Variants in SPAG16 observed in about 807,000 individuals in gnomAD.
SPAG16 encodes sperm-associated antigen 16 protein.
SPAG16 carries 86 observed loss-of-function variants against 80.4 expected under a neutral mutation model. The observed-to-expected ratio is 1.07, with a 90% confidence interval of 0.90 to 1.28. The LOEUF (loss-of-function observed/expected upper bound fraction) is 1.28, where lower values mean the gene tolerates loss of function less well. Among genes scored for constraint, SPAG16 ranks in the 50% most tolerant of loss-of-function variants. The pLI is 0.00. For missense variants in SPAG16, 870 were observed against 765.3 expected, an observed-to-expected ratio of 1.14 and a Z score of -1.61; for synonymous variants, 294 against 265.9, an observed-to-expected ratio of 1.11 and a Z score of -1.03.
At chr2:214,117,557 C>T (rs928106978) in intron 14 of SPAG16, among the ~76,000 whole-genome samples, 1 of 152,040 alleles carries the variant, frequency 6.6e-6, no homozygotes, top group Non-Finnish European at 1.5e-5. Context: ...CAACAACAAC[C>T]AACACTATTG....
chr2:214,296,432 T>C (rs1180398659), intron 15 of SPAG16, among the ~76,000 whole-genome samples: 1 of 152,202 alleles, frequency 6.6e-6, no homozygotes, highest in East Asian at 1.9e-4. Context: ...CTGGGTCAAA[T>C]AGTAGTTCTA....
chr2:213,710,435 A>G (rs1388126038), intron 10 of SPAG16, among the ~76,000 whole-genome samples: 1 of 152,204 alleles, frequency 6.6e-6, no homozygotes, highest in Non-Finnish European at 1.5e-5. Flanking sequence ...GAACAAGGGT[A>G]TAAGCATGTA....
chr2:214,397,780 T>C (rs1021505466), intron 15 of SPAG16, among the ~76,000 whole-genome samples: 4 of 152,212 alleles, frequency 2.6e-5, no homozygotes, highest in Non-Finnish European at 5.9e-5. Flanking sequence ...ATGTGGCTTA[T>C]TATTTCTTTG....
chr2:213,462,546 C>T (rs1188357705), intron 9 of SPAG16, among the ~76,000 whole-genome samples: 1 of 152,136 alleles, frequency 6.6e-6, no homozygotes, highest in African/African-American at 2.4e-5. Flanking sequence ...GAGGGTGGAT[C>T]AGGTGGAGAT....
At chr2:214,122,350 A>G (rs1181894087) in intron 14 of SPAG16, among the ~76,000 whole-genome samples, 1 of 151,860 alleles carries the variant, frequency 6.6e-6, no homozygotes, top group Non-Finnish European at 1.5e-5. Context: ...AATTTGATCT[A>G]AGATAGGTTA....
chr2:214,069,601 A>G (rs1055639790), intron 13 of SPAG16, among the ~76,000 whole-genome samples: 1 of 152,108 alleles, frequency 6.6e-6, no homozygotes, highest in Non-Finnish European at 1.5e-5. Context: ...TCCAGTGCCA[A>G]CCTAAAATCA....
At chr2:213,715,101 G>A (rs2066170886) in intron 10 of SPAG16, among the ~76,000 whole-genome samples, 1 of 152,150 alleles carries the variant, frequency 6.6e-6, no homozygotes, top group Non-Finnish European at 1.5e-5. Context: ...GACTGGTTTG[G>A]AGGAGTATAA....
chr2:214,093,394 T>C (rs542016784), intron 13 of SPAG16, among the ~76,000 whole-genome samples: 2 of 152,120 alleles, frequency 1.3e-5, no homozygotes, highest in South Asian at 4.1e-4. Context: ...ATTCCTTCTA[T>C]ACATTTTATT....
chr2:213,852,380 C>T (rs1216283374), intron 10 of SPAG16, among the ~76,000 whole-genome samples: 1 of 152,138 alleles, frequency 6.6e-6, no homozygotes, highest in Non-Finnish European at 1.5e-5. Flanking sequence ...CTACTTAAAA[C>T]CGTGAAATGA....
chr2:213,428,399 T>C (rs1363169521), intron 9 of SPAG16, among the ~76,000 whole-genome samples: 1 of 152,188 alleles, frequency 6.6e-6, no homozygotes, highest in Non-Finnish European at 1.5e-5. Context: ...CCAAGCATTT[T>C]CCAGTACTTG....
At chr2:213,717,895 C>G (rs562751672) in intron 10 of SPAG16, among the ~76,000 whole-genome samples, 1 of 152,108 alleles carries the variant, frequency 6.6e-6, no homozygotes, top group South Asian at 2.1e-4. Flanking sequence ...CATAAAAACC[C>G]TAGAAGAAAA....
Position 214,054,682 on chromosome 2 carries a change from A to G in SPAG16, c.1527+40605A>G, listed in dbSNP as rs183196846. ...ACCTTTGACTTCTTACAGAGAATCC[A>G]TATCTCTAAATCAAAATGTATTTGT... is the stretch of plus-strand genomic sequence containing the variant. On this transcript the variant is annotated intron_variant, in intron 13 of 15. Transcript: ENST00000331683. Among the ~76,000 whole-genome samples the G allele has an allele frequency of 4.2e-3, 644 of 152,296 alleles. 5 individuals are homozygous for G. The highest frequency in any genetic ancestry group is 0.024 in the Middle Eastern group (7 of 294).
intron 14 of SPAG16, among the ~76,000 whole-genome samples, chr2:214,116,434 C>T (rs1030533405): frequency 1.3e-5 from 2 of 152,296 alleles, no homozygotes; most frequent in Non-Finnish European, 2.9e-5. Flanking sequence ...TTCCAGCTCC[C>T]CTTACTACTT....
chr2:213,618,961 T>C (rs1445881693), intron 10 of SPAG16, among the ~76,000 whole-genome samples: 1 of 152,192 alleles, frequency 6.6e-6, no homozygotes, highest in Non-Finnish European at 1.5e-5. Context: ...AGTTGGCTCA[T>C]TCATTAACAA....
intron 10 of SPAG16, among the ~76,000 whole-genome samples, chr2:213,750,500 T>C (rs2068030457): frequency 6.6e-6 from 1 of 152,254 alleles, no homozygotes; most frequent in Admixed American, 6.5e-5. Context: ...ATATAGTTTT[T>C]ACTGATGTTT....
Position 213,317,241 on chromosome 2 carries a change from G to C in SPAG16, c.421G>C (p.Val141Leu), listed in dbSNP as rs2063435420. ...TAGGTATGAGTTAATACAGAAAGGAGTGACTGAACTTAGAACTGTTGGGAA... is the reference window on the plus strand; with the variant it reads ...TAGGTATGAGTTAATACAGAAAGGACTGACTGAACTTAGAACTGTTGGGAA... ...SEWYELIQKG[V>L]TELRTVGNVP... is the part of the protein sequence containing the mutation. Residue 141 changes from valine (V) to leucine (L), a missense_variant, in exon 5 of 16, where the codon GTG becomes CTG. By Grantham distance (32) the Val-to-Leu change is conservative. Coordinates refer to ENST00000331683, the MANE Select transcript of SPAG16 (RefSeq NM_024532.5). 2 of 1,601,846 alleles carry C rather than the reference G, an allele frequency of 1.2e-6. No individual in the cohort carries two copies. The highest frequency in any genetic ancestry group is 1.7e-6 in the Non-Finnish European group (2 of 1,173,668).
At chr2:213,982,152 A>C (rs528267384) in intron 12 of SPAG16, among the ~76,000 whole-genome samples, 1 of 152,004 alleles carries the variant, frequency 6.6e-6, no homozygotes, top group East Asian at 1.9e-4. Context: ...ATTTGTATTC[A>C]ATTTGCGACA....
At chr2:214,082,625 A>C (rs1353950195) in intron 13 of SPAG16, among the ~76,000 whole-genome samples, 4 of 152,078 alleles carry the variant, frequency 2.6e-5, no homozygotes, top group Admixed American at 2.6e-4. Flanking sequence ...GTGGTTCTCA[A>C]CTCTGGCTGC....
At chr2:213,413,145 T>C (rs2069074609) in intron 9 of SPAG16, among the ~76,000 whole-genome samples, 1 of 152,166 alleles carries the variant, frequency 6.6e-6, no homozygotes, top group African/African-American at 2.4e-5. Context: ...GAAGCATAAA[T>C]GAATAGGATA....
Sources: allele counts gnomAD v4.1 joint callset (sites outside exome capture counted in the v4.1 genomes callset), GRCh38; gene constraint gnomAD v4.1.1; transcripts MANE v1.5; gene names NCBI Gene and HGNC (gene_info 2026-07-23, HGNC 2026-07-21).